The following TRIM38 variants were observed in gnomAD, a reference collection of about 807,000 sequenced individuals.
The protein encoded by TRIM38 is tripartite motif containing 38.
A neutral mutation model predicts 35.8 loss-of-function variants in TRIM38; 35 were observed. The ratio of observed to expected loss-of-function variants is 0.98; its 90% CI spans 0.75 to 1.30. The LOEUF (loss-of-function observed/expected upper bound fraction) is 1.30. TRIM38 is among the 50% of genes most tolerant of loss of function. The probability of loss-of-function intolerance (pLI) is 0.00; values close to 1 mark genes in which losing one functional copy is unlikely to be tolerated. For synonymous variants in TRIM38, 198 were observed against 204.7 expected (o/e 0.97, Z 0.28); for missense variants, 545 against 556.9 (o/e 0.98, Z 0.21).
chr6:25,979,913 A>G (rs1289169060), intron 7 of TRIM38, among the ~76,000 whole-genome samples: 1 of 152,120 alleles, frequency 6.6e-6, no homozygotes, highest in African/African-American at 2.4e-5. Flanking sequence ...CATTCTATAC[A>G]TCTTCTAATG....
At chr6:25,981,374 GAACA>G (rs1364203871) in intron 7 of TRIM38, among the ~76,000 whole-genome samples, 2 of 152,238 alleles carry the variant, frequency 1.3e-5, no homozygotes, top group South Asian at 4.1e-4. Flanking sequence ...TTATTTGGAA[GAACA>G]AACAGAGAGC....
In TRIM38 at chr6:25,987,080, A is replaced by G. The variant is rs1259478414; in HGVS notation, c.*3393A>G. ...GGAGTTCTCATATTAAAAAACAGAG[A>G]AGGGACATCGAATAGATGACCAACA... On this transcript the variant is annotated 3_prime_UTR_variant, in exon 8 of 8. Coordinates refer to ENST00000357085, the MANE Select transcript of TRIM38 (RefSeq NM_006355.5). 1 of 152,106 alleles carries G rather than the reference A, an allele frequency of 6.6e-6. No homozygotes were observed. The highest frequency in any genetic ancestry group is 6.5e-5 in the Admixed American group (1 of 15,284). The allele number at this position is 152,106 out of a possible 1,614,324, so 9.4% of individuals were successfully genotyped here. A position where few individuals can be genotyped will look rare whatever the true frequency, so the allele number is the denominator to read the frequency against.
At position 25,983,429 on chromosome 6, in the gene TRIM38, T is replaced by C; in HGVS notation, c.1140T>C (p.Ser380=). 1 of 1,614,180 alleles carries C rather than the reference T, an allele frequency of 6.2e-7. No individual in the cohort carries two copies. ...CTGGCATGAAGCAAGAGCCTCAGTC[T>C]GGATTCTGGACCCTCAGGCTGTGCA... The part of the protein sequence containing the change: ...RGTGMKQEPQ[S]GFWTLRLCKK... The change falls in exon 8 of 8, where the codon TCT becomes TCC. Residue 380 remains serine, a synonymous_variant. Transcript: ENST00000357085.
intron 7 of TRIM38, among the ~76,000 whole-genome samples, chr6:25,978,362 T>C (rs1008291973): frequency 1.3e-5 from 2 of 151,892 alleles, no homozygotes; most frequent in African/African-American, 4.8e-5. Context: ...GTATCCTCTC[T>C]CTAATATGGA....
intron 7 of TRIM38, chr6:25,974,907 CAGGA>C: frequency 1.0e-6 from 1 of 985,382 alleles, no homozygotes; most frequent in East Asian, 1.1e-4. Context: ...ATACAGATGA[CAGGA>C]AGGAAGAACA....
rs1561906506 is a variant in TRIM38, at chr6:25,988,480, C to CTTTTT, written c.*4795_*4799dup. 2.7e-5 allele frequency: 2 copies of CTTTTT among 73,858 alleles called. No individual in the cohort carries two copies. The highest frequency in any genetic ancestry group is 1.6e-4 in the Admixed American group (1 of 6,234). The allele number at this position is 73,858 out of a possible 1,614,324, so 4.6% of individuals were successfully genotyped here. ...GATCGTTTCTTTTCTTTTTCTTTTTCTTTTTTCTTTTCTTTCTTTTTTTTT... is the reference window on the plus strand; with the variant it reads ...GATCGTTTCTTTTCTTTTTCTTTTTCTTTTTTTTTTTCTTTTCTTTCTTTTTTTTT... On this transcript the variant is annotated 3_prime_UTR_variant, in exon 8 of 8. Transcript: ENST00000357085.
rs954917983 is a variant in TRIM38, at chr6:25,975,542, TA to T, written c.874+2260del. ...TAGGAATAAATTTTATTTTTATTTT[TA>T]AATGTATGTTTATTTTATTTTACAT... On this transcript the variant is annotated intron_variant, in intron 7 of 7. Coordinates refer to ENST00000357085, the MANE Select transcript of TRIM38 (RefSeq NM_006355.5). 6.4e-5 allele frequency: 57 copies of T among 884,212 alleles called. No homozygotes were observed. In the African/African-American group the frequency reaches 9.8e-4, roughly 15 times the overall value. 54.8% of individuals were successfully genotyped at this position (884,212 alleles called of 1,614,324 possible). A position where few individuals can be genotyped will look rare whatever the true frequency, so the allele number is the denominator to read the frequency against.
rs1282325727 is a variant in TRIM38 at position 25,987,570 on chromosome 6, A to G, written c.*3883A>G. The G allele has an allele frequency of 2.0e-5, 3 of 152,174 alleles. No individual in the cohort carries two copies. The highest frequency in any genetic ancestry group is 4.4e-5 in the Non-Finnish European group (3 of 68,018). 9.4% of individuals were successfully genotyped at this position (152,174 alleles called of 1,614,324 possible). A position where few individuals can be genotyped will look rare whatever the true frequency, so the allele number is the denominator to read the frequency against. ...ACATTGAATGTGAGAGTTTCTACAT[A>G]TGCATTGTGGGAAACACAAACATTT... On this transcript the variant is annotated 3_prime_UTR_variant, in exon 8 of 8. Transcript: ENST00000357085.
At chr6:25,980,397 T>G (rs542059480) in intron 7 of TRIM38, among the ~76,000 whole-genome samples, 2 of 152,284 alleles carry the variant, frequency 1.3e-5, no homozygotes, top group African/African-American at 4.8e-5. Context: ...TGTGTTATCT[T>G]TTTTAGGTGA....
intron 4 of TRIM38, among the ~76,000 whole-genome samples, chr6:25,970,887 C>G (rs905492952): frequency 6.6e-6 from 1 of 152,166 alleles, no homozygotes; most frequent in Non-Finnish European, 1.5e-5. Flanking sequence ...GAAATTGCAA[C>G]TTTACATCTC....
chr6:25,982,379 G>A (rs1057342380), intron 7 of TRIM38, among the ~76,000 whole-genome samples: 3 of 152,056 alleles, frequency 2.0e-5, no homozygotes, highest in Non-Finnish European at 4.4e-5. Flanking sequence ...TTACCCTCAC[G>A]TCCTCACCAC....
chr6:25,963,983 G>T (rs1759936684), intron 2 of TRIM38, among the ~76,000 whole-genome samples: 1 of 152,026 alleles, frequency 6.6e-6, no homozygotes. Context: ...GTTGTTCTTT[G>T]TGGGGGATGG....
chr6:25,982,955 G>T (rs929509088), intron 7 of TRIM38, among the ~76,000 whole-genome samples: 1 of 152,162 alleles, frequency 6.6e-6, no homozygotes, highest in Non-Finnish European at 1.5e-5. Flanking sequence ...CACTTGTGGT[G>T]GTGCGCACCT....
chr6:25,964,916 A>C (rs533964079), intron 2 of TRIM38, among the ~76,000 whole-genome samples: 22 of 151,442 alleles, frequency 1.5e-4, no homozygotes, highest in African/African-American at 4.9e-4. Context: ...AGCTCAAGTC[A>C]TTCTCCTTCC....
chr6:25,977,299 G>C (rs756017126), intron 7 of TRIM38, among the ~76,000 whole-genome samples: 6 of 152,148 alleles, frequency 3.9e-5, no homozygotes, highest in Non-Finnish European at 7.3e-5. Context: ...GATCTCCTGA[G>C]CCCAGGAGTT....
At chr6:25,980,516 G>A (rs1390689411) in intron 7 of TRIM38, among the ~76,000 whole-genome samples, 1 of 151,778 alleles carries the variant, frequency 6.6e-6, no homozygotes, top group Non-Finnish European at 1.5e-5. Context: ...TGCCTCCCCG[G>A]TTCAAGTGAT....
rs1760671845 is a variant in TRIM38 at position 25,984,959 on chromosome 6, T to A, written c.*1272T>A. Reference sequence around the variant, plus strand: ...TGTCAGAGGCATGGCTGGGCCTCCATCTCTGCCTAAGGGAGATATAAAAGA... The same window carrying A: ...TGTCAGAGGCATGGCTGGGCCTCCAACTCTGCCTAAGGGAGATATAAAAGA... On this transcript the variant is annotated 3_prime_UTR_variant, in exon 8 of 8. Transcript: ENST00000357085. 1 of 152,364 alleles carries A rather than the reference T, an allele frequency of 6.6e-6. No homozygotes were observed. The highest frequency in any genetic ancestry group is 3.1e-3 in the Middle Eastern group (1 of 318). 9.4% of individuals were successfully genotyped at this position (152,364 alleles called of 1,614,324 possible).
At chr6:25,970,581 T>G (rs1581600687) in intron 4 of TRIM38, among the ~76,000 whole-genome samples, 1 of 152,086 alleles carries the variant, frequency 6.6e-6, no homozygotes, top group African/African-American at 2.4e-5. Flanking sequence ...TCTAGGATCT[T>G]GGGCAATGGG....
At chr6:25,981,980 G>T (rs1025603622) in intron 7 of TRIM38, among the ~76,000 whole-genome samples, 1 of 152,182 alleles carries the variant, frequency 6.6e-6, no homozygotes, top group African/African-American at 2.4e-5. Flanking sequence ...GTTGTTAGAA[G>T]AGCTGAAGCA....
Sources: gnomAD v4.1 joint callset for allele counts (sites outside exome capture counted in the v4.1 genomes callset) on GRCh38, gnomAD v4.1.1 for gene constraint, MANE v1.5 for transcripts, NCBI Gene and HGNC (gene_info 2026-07-23, HGNC 2026-07-21) for gene names.